Variants in GRM8 observed in about 807,000 individuals in gnomAD.
GRM8 encodes the protein metabotropic glutamate receptor 8.
A neutral mutation model predicts 87.2 loss-of-function variants in GRM8; 47 were observed. The ratio of observed to expected loss-of-function variants is 0.54; its 90% CI spans 0.43 to 0.69. The LOEUF is 0.69. Among genes scored for constraint, GRM8 ranks in the 30% least tolerant of loss-of-function variants. The pLI is 0.00. For missense variants in GRM8, 1,019 were observed against 1,139.2 expected, an observed-to-expected ratio of 0.89 and a Z score of 1.52; for synonymous variants, 396 against 404.5, an observed-to-expected ratio of 0.98 and a Z score of 0.25.
chr7:127,091,185 G>A (rs1012232373), intron 3 of GRM8, among the ~76,000 whole-genome samples: 1 of 152,010 alleles, frequency 6.6e-6, no homozygotes, highest in African/African-American at 2.4e-5. Flanking sequence ...TTGGCCCCAA[G>A]CCTGAGAAAG....
At chr7:127,124,058 G>A (rs1042197811) in intron 2 of GRM8, among the ~76,000 whole-genome samples, 4 of 151,980 alleles carry the variant, frequency 2.6e-5, no homozygotes, top group Admixed American at 2.6e-4. Flanking sequence ...CTTTCTACTG[G>A]CATTTGTGTA....
intron 7 of GRM8, among the ~76,000 whole-genome samples, chr7:126,649,312 A>G (rs1803527463): frequency 6.6e-6 from 1 of 152,190 alleles, no homozygotes; most frequent in Non-Finnish European, 1.5e-5. Flanking sequence ...ATCAGCTGCC[A>G]GCACAGCCAG....
At chr7:126,958,472 T>C (rs1292866611) in intron 3 of GRM8, among the ~76,000 whole-genome samples, 3 of 152,174 alleles carry the variant, frequency 2.0e-5, no homozygotes, top group Non-Finnish European at 4.4e-5. Flanking sequence ...GCCGCAGCCT[T>C]GCACAGAGCT....
intron 3 of GRM8, among the ~76,000 whole-genome samples, chr7:127,020,952 G>A (rs956986073): frequency 6.6e-6 from 1 of 152,014 alleles, no homozygotes; most frequent in Non-Finnish European, 1.5e-5. Context: ...CTAAGGGAAT[G>A]GATACTGTGC....
At chr7:126,729,603 T>C (rs1188451689) in intron 7 of GRM8, among the ~76,000 whole-genome samples, 1 of 152,120 alleles carries the variant, frequency 6.6e-6, no homozygotes, top group Non-Finnish European at 1.5e-5. Flanking sequence ...TTCCAAAACA[T>C]TAATTGTGTT....
intron 9 of GRM8, among the ~76,000 whole-genome samples, chr7:126,497,995 T>G (rs1809033793): frequency 6.6e-6 from 1 of 151,704 alleles, no homozygotes; most frequent in South Asian, 2.1e-4. Flanking sequence ...GGCTAGAAAA[T>G]CAAGCCTAAG....
intron 7 of GRM8, among the ~76,000 whole-genome samples, chr7:126,743,730 C>G (rs538718675): frequency 2.6e-5 from 4 of 152,172 alleles, no homozygotes; most frequent in Admixed American, 2.6e-4. Context: ...TTACTTCATA[C>G]AATAGTACTT....
chr7:127,130,140 C>T (rs1192757713), intron 2 of GRM8, among the ~76,000 whole-genome samples: 4 of 152,146 alleles, frequency 2.6e-5, no homozygotes, highest in Non-Finnish European at 5.9e-5. Flanking sequence ...AGCATCATGA[C>T]TGTAAGTTTC....
At chr7:126,740,923 C>A (rs1348334331) in intron 7 of GRM8, among the ~76,000 whole-genome samples, 1 of 151,970 alleles carries the variant, frequency 6.6e-6, no homozygotes, top group East Asian at 1.9e-4. Context: ...ATAGAATAAC[C>A]CAAAATACAT....
At chr7:127,202,439 A>C (rs1795666976) in intron 2 of GRM8, among the ~76,000 whole-genome samples, 1 of 152,186 alleles carries the variant, frequency 6.6e-6, no homozygotes, top group South Asian at 2.1e-4. Flanking sequence ...CGGCCTCCCA[A>C]AATGCTGGGA....
intron 9 of GRM8, among the ~76,000 whole-genome samples, chr7:126,456,511 C>A (rs1584671064): frequency 2.0e-5 from 1 of 51,276 alleles, no homozygotes; most frequent in Admixed American, 2.5e-4. Context: ...TGTAAGAAAG[C>A]AGCAAGCTAA....
intron 3 of GRM8, among the ~76,000 whole-genome samples, chr7:126,973,309 T>C (rs1051933668): frequency 6.6e-6 from 1 of 152,188 alleles, no homozygotes; most frequent in African/African-American, 2.4e-5. Context: ...TATAAAATAG[T>C]GGTTAGAGCT....
Position 126,996,430 on chromosome 7 carries a change from A to T in GRM8, c.728-91747T>A, listed in dbSNP as rs35914316. 1.6e-4 allele frequency among the ~76,000 whole-genome samples: 25 copies of T among 152,210 alleles called. No individual in the cohort carries two copies. In the South Asian group the frequency reaches 5.2e-3, roughly 32 times the overall value. On this transcript the variant is annotated intron_variant, in intron 3 of 10. Transcript: ENST00000339582. ...CAGTACAACAAGACAAAGAAAAACAACAGAAAGTCCTTACTTGTCAATAAC... is the reference window on the plus strand; with the variant it reads ...CAGTACAACAAGACAAAGAAAAACATCAGAAAGTCCTTACTTGTCAATAAC...
chr7:126,835,362 T>C (rs1401776333), intron 6 of GRM8, among the ~76,000 whole-genome samples: 2 of 152,206 alleles, frequency 1.3e-5, no homozygotes, highest in Non-Finnish European at 2.9e-5. Flanking sequence ...CCACTCTTCT[T>C]TAAAGATGAG....
At chr7:126,804,476 T>C (rs1388541745) in intron 6 of GRM8, among the ~76,000 whole-genome samples, 6 of 152,220 alleles carry the variant, frequency 3.9e-5, no homozygotes, top group Non-Finnish European at 1.5e-5. Context: ...ATTAACCTAT[T>C]GACCGCAGAA....
intron 6 of GRM8, among the ~76,000 whole-genome samples, chr7:126,824,466 C>T (rs1483771499): frequency 6.6e-6 from 1 of 152,152 alleles, no homozygotes; most frequent in African/African-American, 2.4e-5. Flanking sequence ...CAGGTTTCTC[C>T]CCACTGCCCA....
chr7:126,472,617 G>T (rs183594798), intron 9 of GRM8, among the ~76,000 whole-genome samples: 11 of 152,316 alleles, frequency 7.2e-5, no homozygotes, highest in Admixed American at 6.5e-4. Context: ...CATTTTCTGA[G>T]GAGAAATTCA....
intron 3 of GRM8, among the ~76,000 whole-genome samples, chr7:127,091,772 C>T (rs898969924): frequency 4.4e-5 from 6 of 137,582 alleles, no homozygotes; most frequent in African/African-American, 8.3e-5. Context: ...ATCATCCCTC[C>T]GCCGTCCCAC....
intron 3 of GRM8, among the ~76,000 whole-genome samples, chr7:126,998,295 C>T (rs1366559280): frequency 1.3e-5 from 2 of 151,868 alleles, no homozygotes; most frequent in East Asian, 3.9e-4. Context: ...AACAGACCCA[C>T]AGTTAGTGTT....
Sources: allele counts gnomAD v4.1 joint callset (sites outside exome capture counted in the v4.1 genomes callset), GRCh38; gene constraint gnomAD v4.1.1; transcripts MANE v1.5; gene names NCBI Gene and HGNC (gene_info 2026-07-23, HGNC 2026-07-21).